GRM8: variants seen among roughly 807,000 people sequenced by gnomAD.
The protein encoded by GRM8 is glutamate metabotropic receptor 8.
Under a neutral mutation model 87.2 loss-of-function variants are expected in GRM8, and 47 were observed. The observed-to-expected ratio is 0.54, with a 90% CI of 0.43 to 0.69. GRM8 has a LOEUF of 0.69. Ranked by LOEUF, GRM8 falls within the 30% of genes least tolerant of loss-of-function variation. The pLI is 0.00. For missense variants in GRM8, 1,019 were observed against 1,139.2 expected, an observed-to-expected ratio of 0.89 and a Z score of 1.52; for synonymous variants, 396 against 404.5, an observed-to-expected ratio of 0.98 and a Z score of 0.25.
chr7:126,485,131 C>T (rs1426390888), intron 9 of GRM8, among the ~76,000 whole-genome samples: 3 of 151,986 alleles, frequency 2.0e-5, no homozygotes, highest in Non-Finnish European at 4.4e-5. Flanking sequence ...CAAGCAAATG[C>T]AAATGCAATA....
At chr7:126,972,493 A>T (rs1810526860) in intron 3 of GRM8, among the ~76,000 whole-genome samples, 4 of 151,806 alleles carry the variant, frequency 2.6e-5, no homozygotes. Flanking sequence ...CTTAATGTCA[A>T]TCACCTTTTT....
intron 7 of GRM8, among the ~76,000 whole-genome samples, chr7:126,618,456 C>T (rs1171448619): frequency 6.6e-6 from 1 of 152,208 alleles, no homozygotes; most frequent in Admixed American, 6.5e-5. Flanking sequence ...CCATTCACGA[C>T]ATAGGCATGG....
At chr7:126,891,432 TC>T (rs1800994675) in intron 6 of GRM8, among the ~76,000 whole-genome samples, 1 of 151,736 alleles carries the variant, frequency 6.6e-6, no homozygotes. Context: ...CTTAAAACCT[TC>T]TGGTGCCCAT....
intron 2 of GRM8, among the ~76,000 whole-genome samples, chr7:127,107,001 G>A (rs1007683113): frequency 6.6e-6 from 1 of 152,146 alleles, no homozygotes; most frequent in Non-Finnish European, 1.5e-5. Flanking sequence ...TGTTGATGTT[G>A]CTTTTTGTTG....
In GRM8 at chr7:127,088,911, G is replaced by A. The variant is rs28951986; in HGVS notation, c.727+17585C>T. Among the ~76,000 whole-genome samples, 141 of 152,324 alleles carry A rather than the reference G, an allele frequency of 9.3e-4. 1 individual carries two copies. The East Asian group carries it at 0.024, about 26-fold the overall frequency. ...ACAGTGATTGCTTGAGTGATGAACT[G>A]TCACTTCTTGTACAGTGGGGGCCAA... On this transcript the variant is annotated intron_variant, in intron 3 of 10. Coordinates refer to ENST00000339582, the MANE Select transcript of GRM8 (RefSeq NM_000845.3).
chr7:126,700,398 G>C (rs962235137), intron 7 of GRM8, among the ~76,000 whole-genome samples: 3 of 152,024 alleles, frequency 2.0e-5, no homozygotes, highest in Non-Finnish European at 2.9e-5. Flanking sequence ...TGATTTTTAA[G>C]AAAACCTGTT....
Position 126,902,450 on chromosome 7 carries a change from A to T in GRM8, c.1156+92T>A. 3.9e-6 allele frequency: 4 copies of T among 1,024,404 alleles called. No individual in the cohort carries two copies. In the South Asian group the frequency reaches 5.3e-5, roughly 13 times the overall value. 63.5% of individuals were successfully genotyped at this position (1,024,404 alleles called of 1,614,324 possible). A position where few individuals can be genotyped will look rare whatever the true frequency, so the allele number is the denominator to read the frequency against. Reference sequence around the variant, plus strand: ...GACACAAAAAATAGAAAATACATTCATCATTATCCATATAGAAAAACGTAA... The same window carrying T: ...GACACAAAAAATAGAAAATACATTCTTCATTATCCATATAGAAAAACGTAA... On this transcript the variant is annotated intron_variant, in intron 6 of 10. Coordinates refer to ENST00000339582, the MANE Select transcript of GRM8 (RefSeq NM_000845.3).
rs17866294 is a variant in GRM8, at chr7:127,103,957, G to A, written c.727+2539C>T. On this transcript the variant is annotated intron_variant, in intron 3 of 10. Transcript: ENST00000339582. ...TCATAAACTTCATTCTCCCAGATTC[G>A]CAAAGGACACTTTCCCAAGTCTGAT... is the stretch of plus-strand genomic sequence containing the variant. Among the ~76,000 whole-genome samples, 617 of 152,196 alleles carry A rather than the reference G, an allele frequency of 4.1e-3. 6 individuals are homozygous for A. Among genetic ancestry groups the A allele is most frequent in the African/African-American group, 0.014 (598 of 41,524 alleles).
intron 3 of GRM8, among the ~76,000 whole-genome samples, chr7:126,906,488 C>T (rs1802688920): frequency 1.3e-5 from 2 of 152,020 alleles, no homozygotes; most frequent in Non-Finnish European, 2.9e-5. Flanking sequence ...CACTGGTCTC[C>T]TATAATAATT....
intron 7 of GRM8, among the ~76,000 whole-genome samples, chr7:126,751,142 A>G (rs1816368956): frequency 6.6e-6 from 1 of 152,116 alleles, no homozygotes; most frequent in Non-Finnish European, 1.5e-5. Context: ...TCAGTCTCAC[A>G]TTTTCCATTG....
rs112338427 is a variant in GRM8 at position 126,844,658 on chromosome 7, T to A, written c.1156+57884A>T. Among the ~76,000 whole-genome samples the A allele has an allele frequency of 6.7e-3, 1,024 of 152,252 alleles. 11 individuals are homozygous for A. Among genetic ancestry groups the A allele is most frequent in the African/African-American group, 0.023 (946 of 41,540 alleles). On this transcript the variant is annotated intron_variant, in intron 6 of 10. Coordinates refer to ENST00000339582, the MANE Select transcript of GRM8 (RefSeq NM_000845.3). ...CTCTAACAGTTTTGGAGGCTTGAAG[T>A]CCAACATCAGGATGCCACCATGGTC...
At chr7:126,617,301 A>T (rs1000989346) in intron 7 of GRM8, among the ~76,000 whole-genome samples, 9 of 152,364 alleles carry the variant, frequency 5.9e-5, no homozygotes, top group African/African-American at 2.2e-4. Context: ...ATAGATGAAG[A>T]AAAGGCCTTT....
At chr7:126,632,551 T>C (rs952077735) in intron 7 of GRM8, among the ~76,000 whole-genome samples, 8 of 152,152 alleles carry the variant, frequency 5.3e-5, no homozygotes, top group African/African-American at 1.9e-4. Context: ...CAAAGGAATA[T>C]AAATTATTCT....
intron 2 of GRM8, among the ~76,000 whole-genome samples, chr7:127,176,587 C>G (rs1441387597): frequency 3.9e-5 from 6 of 152,142 alleles, no homozygotes; most frequent in Non-Finnish European, 7.3e-5. Context: ...CCCAAGAGGA[C>G]CCACAGACCC....
intron 9 of GRM8, among the ~76,000 whole-genome samples, chr7:126,526,942 AAC>A (rs1484746899): frequency 1.3e-5 from 2 of 152,174 alleles, no homozygotes; most frequent in Non-Finnish European, 2.9e-5. Flanking sequence ...AGCAGATTGC[AAC>A]AGTCTGGTAT....
intron 6 of GRM8, among the ~76,000 whole-genome samples, chr7:126,790,007 C>T (rs1462878865): frequency 6.7e-6 from 1 of 148,948 alleles, no homozygotes; most frequent in Non-Finnish European, 1.5e-5. Context: ...AACACATTCT[C>T]TCTCTCTTTT....
chr7:127,098,996 G>T (rs998545883), intron 3 of GRM8, among the ~76,000 whole-genome samples: 9 of 152,040 alleles, frequency 5.9e-5, no homozygotes, highest in Non-Finnish European at 1.0e-4. Context: ...TAGCTTCCTT[G>T]CCCCTTATAA....
chr7:126,822,387 G>T (rs1270329309), intron 6 of GRM8, among the ~76,000 whole-genome samples: 1 of 152,128 alleles, frequency 6.6e-6, no homozygotes, highest in Non-Finnish European at 1.5e-5. Flanking sequence ...CAACACATTT[G>T]CATGATTTAC....
intron 6 of GRM8, among the ~76,000 whole-genome samples, chr7:126,896,799 C>T (rs547133944): frequency 5.3e-4 from 81 of 152,018 alleles, no homozygotes; most frequent in African/African-American, 1.9e-3. Context: ...ATGCTCACCA[C>T]TATTTTGTAT....
Sources: allele counts gnomAD v4.1 joint callset (sites outside exome capture counted in the v4.1 genomes callset), GRCh38; gene constraint gnomAD v4.1.1; transcripts MANE v1.5; gene names NCBI Gene and HGNC (gene_info 2026-07-23, HGNC 2026-07-21).